Variants in APBB2 observed in about 807,000 individuals in gnomAD.
APBB2 encodes Fe65-like 1.
Under a neutral mutation model 82.5 loss-of-function variants are expected in APBB2, and 38 were observed. The ratio of observed to expected loss-of-function variants is 0.46; its 90% CI spans 0.36 to 0.60. The LOEUF (loss-of-function observed/expected upper bound fraction) is 0.60. APBB2 is among the 20% of genes least tolerant of loss of function. The pLI is 0.00. For missense variants in APBB2, 772 were observed against 972.3 expected (o/e 0.79, Z 2.74); for synonymous variants, 341 against 368.2 (o/e 0.93, Z 0.85).
At chr4:41,031,292 T>C (rs920852010) in intron 5 of APBB2, among the ~76,000 whole-genome samples, 1 of 152,162 alleles carries the variant, frequency 6.6e-6, no homozygotes, top group African/African-American at 2.4e-5. Context: ...GATGTCCCTG[T>C]AGTCACAGCT....
intron 6 of APBB2, among the ~76,000 whole-genome samples, chr4:40,955,717 A>C (rs1180063155): frequency 1.3e-5 from 2 of 152,132 alleles, no homozygotes; most frequent in Non-Finnish European, 2.9e-5. Flanking sequence ...GCTTGAGGCC[A>C]GCCTGAGCAA....
At chr4:40,886,113 C>T (rs1039325479) in intron 12 of APBB2, among the ~76,000 whole-genome samples, 3 of 152,218 alleles carry the variant, frequency 2.0e-5, no homozygotes, top group African/African-American at 7.2e-5. Context: ...CTCTGTGCCC[C>T]TACCCAGAAG....
intron 3 of APBB2, among the ~76,000 whole-genome samples, chr4:41,090,661 A>G (rs540637253): frequency 6.6e-6 from 1 of 152,346 alleles, no homozygotes; most frequent in South Asian, 2.1e-4. Context: ...TATTTAATTT[A>G]TGATCGAAAC....
chr4:40,907,339 A>T (rs1252587912), intron 10 of APBB2, among the ~76,000 whole-genome samples: 2 of 122,864 alleles, frequency 1.6e-5, no homozygotes, highest in African/African-American at 6.0e-5. Context: ...AATTTAATTT[A>T]ATATATTACA....
At chr4:40,837,211 C>T (rs1023715060) in intron 12 of APBB2, among the ~76,000 whole-genome samples, 1 of 152,200 alleles carries the variant, frequency 6.6e-6, no homozygotes, top group African/African-American at 2.4e-5. Flanking sequence ...TGCCACATGG[C>T]CATCAGGCGT....
At chr4:40,838,576 C>G (rs2154310213) in intron 12 of APBB2, among the ~76,000 whole-genome samples, 1 of 152,236 alleles carries the variant, frequency 6.6e-6, no homozygotes, top group East Asian at 1.9e-4. Flanking sequence ...ACCTCGTGAT[C>G]CGCCTGCCTC....
At chr4:40,954,915 T>C (rs530546616) in intron 6 of APBB2, among the ~76,000 whole-genome samples, 1 of 152,296 alleles carries the variant, frequency 6.6e-6, no homozygotes, top group Non-Finnish European at 1.5e-5. Context: ...CCTCCCTAAG[T>C]ACTGAGATTA....
intron 16 of APBB2, among the ~76,000 whole-genome samples, 184 bp downstream of exon 16, chr4:40,823,460 A>G (rs1316017121): frequency 6.6e-6 from 1 of 152,210 alleles, no homozygotes; most frequent in African/African-American, 2.4e-5. Flanking sequence ...CTCAGGCCAC[A>G]GGAAAACAGA....
chr4:40,941,279 T>C (rs1786841761), intron 7 of APBB2, among the ~76,000 whole-genome samples: 2 of 152,200 alleles, frequency 1.3e-5, no homozygotes, highest in Non-Finnish European at 2.9e-5. Context: ...TAGATTCTAT[T>C]TAGGAACCAA....
chr4:41,045,495 C>T (rs1415322495), intron 4 of APBB2, among the ~76,000 whole-genome samples: 13 of 151,814 alleles, frequency 8.6e-5, no homozygotes, highest in South Asian at 2.1e-4. Context: ...GGTTTCACCG[C>T]GTTAGCCAGG....
intron 2 of APBB2, among the ~76,000 whole-genome samples, chr4:41,111,009 G>T (rs968637838): frequency 2.0e-5 from 3 of 152,188 alleles, no homozygotes; most frequent in African/African-American, 7.2e-5. Flanking sequence ...CCCATCTGGG[G>T]GTGATGGGAG....
intron 1 of APBB2, among the ~76,000 whole-genome samples, chr4:41,210,143 T>A (rs1433010389): frequency 2.0e-5 from 3 of 152,176 alleles, no homozygotes; most frequent in African/African-American, 7.2e-5. Flanking sequence ...GCCGCTCACC[T>A]CCTGCTCTAT....
intron 1 of APBB2, among the ~76,000 whole-genome samples, chr4:41,204,290 G>T (rs1028415445): frequency 1.3e-5 from 2 of 152,240 alleles, no homozygotes; most frequent in Non-Finnish European, 2.9e-5. Flanking sequence ...GCCCAGATCT[G>T]CAGAAGATTT....
chr4:40,973,530 C>G (rs1347148122), intron 6 of APBB2, among the ~76,000 whole-genome samples: 1 of 152,204 alleles, frequency 6.6e-6, no homozygotes, highest in Non-Finnish European at 1.5e-5. Flanking sequence ...CTGATTCACA[C>G]AGAAATGTAT....
At position 40,852,644 on chromosome 4, in the gene APBB2, C is replaced by CTT. The variant is rs549084774; in HGVS notation, c.1530-22069_1530-22068dup. On this transcript the variant is annotated intron_variant, in intron 12 of 17. Transcript: ENST00000508593. ...GAACCAAAGAAAAGAAAGTCAAAGT[C>CTT]TTTTTTTTTTTTCTGAGACAGTGTG... Among the ~76,000 whole-genome samples, 7 of 146,136 alleles carry CTT rather than the reference C, an allele frequency of 4.8e-5. No individual in the cohort carries two copies. The East Asian group carries it at 6.0e-4, about 13-fold the overall frequency.
chr4:40,826,235 T>C lies in APBB2; in HGVS notation c.1733-265A>G. ...ATGTGTTAAAGCTGCTACTGTCTCT[T>C]TGATGTATATTAAGTAAAGTAGCAG... is the stretch of plus-strand genomic sequence containing the variant. On this transcript the variant is annotated intron_variant, in intron 14 of 17. Coordinates refer to ENST00000508593, the MANE Select transcript of APBB2 (RefSeq NM_004307.2). The surrounding 1 kb of genome is among the most constrained non-coding windows in gnomAD (Gnocchi z 4.5). The C allele has an allele frequency of 2.2e-6, 1 of 445,450 alleles. No homozygotes were observed. Among genetic ancestry groups the C allele is most frequent in the Non-Finnish European group, 4.1e-6 (1 of 241,852 alleles). The allele number at this position is 445,450 out of a possible 1,614,324, so 27.6% of individuals were successfully genotyped here. A position where few individuals can be genotyped will look rare whatever the true frequency, so the allele number is the denominator to read the frequency against.
chr4:40,865,742 A>G (rs902411331), intron 12 of APBB2, among the ~76,000 whole-genome samples: 7 of 152,224 alleles, frequency 4.6e-5, no homozygotes, highest in Admixed American at 3.3e-4. Flanking sequence ...TAATAAGAAA[A>G]CAAACAACAC....
intron 17 of APBB2, among the ~76,000 whole-genome samples, chr4:40,818,538 G>A (rs939774203): frequency 9.9e-5 from 15 of 151,996 alleles, no homozygotes; most frequent in African/African-American, 3.1e-4. Flanking sequence ...ATCCATTTTC[G>A]CTTGGCTGAA....
chr4:41,109,557 G>A (rs1348004214), intron 2 of APBB2, among the ~76,000 whole-genome samples: 1 of 152,018 alleles, frequency 6.6e-6, no homozygotes, highest in Non-Finnish European at 1.5e-5. Context: ...TGCAACCTCC[G>A]CCTCCTAGGT....
Sources: allele counts gnomAD v4.1 joint callset (sites outside exome capture counted in the v4.1 genomes callset), GRCh38; gene constraint gnomAD v4.1.1; non-coding constraint Gnocchi (gnomAD v3.1); transcripts MANE v1.5; gene names NCBI Gene and HGNC (gene_info 2026-07-23, HGNC 2026-07-21).